NR3C1: variants seen among roughly 807,000 people sequenced by gnomAD.
NR3C1 encodes glucocorticoid receptor.
Under a neutral mutation model 74.0 loss-of-function variants are expected in NR3C1, and 14 were observed. The observed-to-expected ratio is 0.19, with a 90% CI of 0.12 to 0.30. NR3C1 has a LOEUF of 0.30. NR3C1 is among the 10% of genes least tolerant of loss of function. NR3C1 has a pLI of 1.00. For synonymous variants in NR3C1, 308 were observed against 332.5 expected (o/e 0.93, Z 0.80); for missense variants, 695 against 909.8 (o/e 0.76, Z 3.04).
At position 143,345,748 on chromosome 5, in the gene NR3C1, A is replaced by G. The variant is rs140407686; in HGVS notation, c.1185-31580T>C. Among the ~76,000 whole-genome samples, 81 of 152,228 alleles carry G rather than the reference A, an allele frequency of 5.3e-4. 2 individuals carry two copies. In the East Asian group the frequency reaches 0.014, roughly 27 times the overall value. ...TTCACCAAAAATTGGGTAAATAATTATTTTTTGTTTTTATTATTCTTAAAT... is the reference window on the plus strand; with the variant it reads ...TTCACCAAAAATTGGGTAAATAATTGTTTTTTGTTTTTATTATTCTTAAAT... On this transcript the variant is annotated intron_variant, in intron 2 of 8. Coordinates refer to ENST00000394464, the MANE Select transcript of NR3C1 (RefSeq NM_000176.3).
At chr5:143,427,472 A>G (rs1264775217) in intron 1 of NR3C1, among the ~76,000 whole-genome samples, 2 of 152,070 alleles carry the variant, frequency 1.3e-5, no homozygotes, top group Non-Finnish European at 2.9e-5. Context: ...GAGGGGAAAG[A>G]TAGTTGGCAA....
At chr5:143,366,631 A>AGCTTTT in intron 2 of NR3C1, among the ~76,000 whole-genome samples, 1 of 152,208 alleles carries the variant, frequency 6.6e-6, no homozygotes, top group African/African-American at 2.4e-5. Context: ...AAGAGTGAAC[A>AGCTTTT]TTATGACTGA....
chr5:143,369,847 TTC>T (rs993992635), intron 2 of NR3C1, among the ~76,000 whole-genome samples: 1 of 152,188 alleles, frequency 6.6e-6, no homozygotes, highest in African/African-American at 2.4e-5. Context: ...ATTAATATCA[TTC>T]TGTTCCAAAC....
At chr5:143,306,763 C>G (rs1819679005) in intron 4 of NR3C1, among the ~76,000 whole-genome samples, 1 of 150,430 alleles carries the variant, frequency 6.6e-6, no homozygotes, top group African/African-American at 2.5e-5. Flanking sequence ...TAGTTTTCAA[C>G]AAATGCCAAT....
chr5:143,323,620 C>T (rs1407026494), intron 2 of NR3C1, among the ~76,000 whole-genome samples: 1 of 152,138 alleles, frequency 6.6e-6, no homozygotes, highest in African/African-American at 2.4e-5. Context: ...CCAATCATGC[C>T]TTCCCAATAG....
rs1181811879 is a variant in NR3C1 at position 143,279,388 on chromosome 5, T to C, written c.*2501A>G. On this transcript the variant is annotated 3_prime_UTR_variant, in exon 9 of 9. Coordinates refer to ENST00000394464, the MANE Select transcript of NR3C1 (RefSeq NM_000176.3). ...ATCAGATTAATGTGTGAGATGTGCT[T>C]TCTGGTTTTAACCACATAACATTCT... 1 of 1,551,224 alleles carries C rather than the reference T, an allele frequency of 6.4e-7. No homozygotes were observed. Among genetic ancestry groups the C allele is most frequent in the Non-Finnish European group, 8.7e-7 (1 of 1,148,308 alleles).
chr5:143,381,096 C>A (rs529084628), intron 2 of NR3C1, among the ~76,000 whole-genome samples: 4 of 152,192 alleles, frequency 2.6e-5, no homozygotes, highest in Admixed American at 2.0e-4. Context: ...AGTACAGTTA[C>A]AGGATACAAA....
chr5:143,359,628 A>G (rs1015376584), intron 2 of NR3C1, among the ~76,000 whole-genome samples: 1 of 152,206 alleles, frequency 6.6e-6, no homozygotes, highest in African/African-American at 2.4e-5. Flanking sequence ...TTAAAAATCA[A>G]GTTTTTAGCT....
chr5:143,399,894 T>A lies in NR3C1; in HGVS notation c.946A>T (p.Met316Leu), dbSNP rs1839935044. 2 of 1,614,152 alleles carry A rather than the reference T, an allele frequency of 1.2e-6. No individual in the cohort carries two copies. The highest frequency in any genetic ancestry group is 1.7e-6 in the Non-Finnish European group (2 of 1,180,028). The change falls in exon 2 of 9, where the codon ATG becomes TTG. Residue 316 changes from methionine (M) to leucine (L), a missense_variant. Coordinates refer to ENST00000394464, the MANE Select transcript of NR3C1 (RefSeq NM_000176.3). Reference protein sequence around the residue: ...FPGANIIGNKMSAISVHGVST... With the variant: ...FPGANIIGNKLSAISVHGVST... ...ACACCATGAACAGAAATGGCAGACA[T>A]TTTATTACCAATTATATTTGCTCCA...
At chr5:143,405,274 G>A (rs1240898769), upstream of NR3C1, 4 of 985,624 alleles carry the variant, frequency 4.1e-6, no homozygotes, top group African/African-American at 5.2e-5. Context: ...TGACACGGGC[G>A]GGGGCTGCCG....
In NR3C1 at chr5:143,331,046, C is replaced by T. The variant is rs577841136; in HGVS notation, c.1185-16878G>A. ...AAGCTGGAGGCACCGTATTACCCGACTTCAAACTACTACAAGGCTAAAGTA... is the reference window on the plus strand; with the variant it reads ...AAGCTGGAGGCACCGTATTACCCGATTTCAAACTACTACAAGGCTAAAGTA... On this transcript the variant is annotated intron_variant, in intron 2 of 8. Transcript: ENST00000394464. Among the ~76,000 whole-genome samples, 204 of 152,296 alleles carry T rather than the reference C, an allele frequency of 1.3e-3. 2 individuals carry two copies. Among genetic ancestry groups the T allele is most frequent in the African/African-American group, 4.6e-3 (193 of 41,572 alleles).
intron 2 of NR3C1, chr5:143,332,952 A>T (rs1411635906): frequency 6.3e-7 from 1 of 1,581,816 alleles, no homozygotes; most frequent in Non-Finnish European, 8.6e-7. Flanking sequence ...CCGAGAACTC[A>T]TTTTGAAACG....
At chr5:143,322,824 T>C (rs1350516750) in intron 2 of NR3C1, among the ~76,000 whole-genome samples, 2 of 152,226 alleles carry the variant, frequency 1.3e-5, no homozygotes, top group Non-Finnish European at 2.9e-5. Context: ...TCACATTAAC[T>C]TGAGAACTTT....
chr5:143,287,579 AT>A (rs1019247130), intron 7 of NR3C1, among the ~76,000 whole-genome samples: 1 of 152,212 alleles, frequency 6.6e-6, no homozygotes, highest in Admixed American at 6.5e-5. Context: ...TGTATCAAAT[AT>A]TTAAAGAATA....
chr5:143,387,215 C>G (rs1167213494), intron 2 of NR3C1, among the ~76,000 whole-genome samples: 2 of 152,112 alleles, frequency 1.3e-5, no homozygotes, highest in African/African-American at 4.8e-5. Context: ...ATCTCAGGGT[C>G]TTTGTGGTCT....
chr5:143,281,819 A>G lies in NR3C1; in HGVS notation c.*70T>C, dbSNP rs1246081641. 10 of 1,476,222 alleles carry G rather than the reference A, an allele frequency of 6.8e-6. No homozygotes were observed. Among genetic ancestry groups the G allele is most frequent in the Middle Eastern group, 2.1e-4 (1 of 4,712 alleles). The allele number at this position is 1,476,222 out of a possible 1,614,324, so 91.4% of individuals were successfully genotyped here. ...TAAAACAACAAAACCTCTACAGGAC[A>G]AACTGATAGTTTATACAATAAAAGC... is the stretch of plus-strand genomic sequence containing the variant. On this transcript the variant is annotated 3_prime_UTR_variant, in exon 9 of 9. Coordinates refer to ENST00000394464, the MANE Select transcript of NR3C1 (RefSeq NM_000176.3).
intron 1 of NR3C1, among the ~76,000 whole-genome samples, chr5:143,410,436 T>A (rs1036891237): frequency 6.6e-6 from 1 of 152,182 alleles, no homozygotes; most frequent in South Asian, 2.1e-4. Flanking sequence ...AACTCCAAAG[T>A]GCTACAAAGG....
chr5:143,382,331 A>G (rs1836411851), intron 2 of NR3C1, among the ~76,000 whole-genome samples: 1 of 152,232 alleles, frequency 6.6e-6, no homozygotes, highest in Non-Finnish European at 1.5e-5. Flanking sequence ...AATAAATTTT[A>G]AAAATAAAAC....
intron 1 of NR3C1, among the ~76,000 whole-genome samples, chr5:143,431,542 T>C (rs1600693181): frequency 6.6e-6 from 1 of 152,026 alleles, no homozygotes; most frequent in African/African-American, 2.4e-5. Context: ...AAATACCTAA[T>C]GCATGCGAGG....
Sources: allele counts gnomAD v4.1 joint callset (sites outside exome capture counted in the v4.1 genomes callset), GRCh38; gene constraint gnomAD v4.1.1; transcripts MANE v1.5; gene names NCBI Gene and HGNC (gene_info 2026-07-23, HGNC 2026-07-21).